MDN1: variants seen among roughly 807,000 people sequenced by gnomAD.
The protein encoded by MDN1 is midasin.
A neutral mutation model predicts 669.2 loss-of-function variants in MDN1; 266 were observed. The observed-to-expected ratio is 0.40, with a 90% CI of 0.36 to 0.44. MDN1 has a LOEUF of 0.44. Among genes scored for constraint, MDN1 ranks in the 20% least tolerant of loss-of-function variants. MDN1 has a pLI of 1.00. For synonymous variants in MDN1, 2,385 were observed against 2,457.1 expected (o/e 0.97, Z 0.87); for missense variants, 5,940 against 6,754.0 (o/e 0.88, Z 4.22).
intron 2 of MDN1, 47 bp from the exon 3 acceptor site, chr6:89,794,848 A>T: frequency 6.6e-7 from 1 of 1,522,818 alleles, no homozygotes; most frequent in Non-Finnish European, 9.1e-7. Context: ...CAATGGTTGG[A>T]CTTAATTTTT....
At chr6:89,742,034 G>A (rs1816322335) in intron 31 of MDN1, among the ~76,000 whole-genome samples, 1 of 152,186 alleles carries the variant, frequency 6.6e-6, no homozygotes, top group Non-Finnish European at 1.5e-5. Context: ...CCAGGAGGCA[G>A]AGGTTGCAGT....
chr6:89,750,206 T>G, intron 24 of MDN1, 148 bp downstream of exon 24: 1 of 789,650 alleles, frequency 1.3e-6, no homozygotes, highest in South Asian at 2.0e-5. Flanking sequence ...GCATCACCCC[T>G]TAACTATCTT....
intron 36 of MDN1, 88 bp from the exon 37 acceptor site, chr6:89,728,043 T>C (rs1161465560): frequency 4.8e-6 from 7 of 1,451,448 alleles, no homozygotes; most frequent in Non-Finnish European, 6.5e-6. Context: ...TGATAAATAC[T>C]TGGGGCTGGC....
At chr6:89,682,131 TATTTACACCACAGTA>T in intron 73 of MDN1, among the ~76,000 whole-genome samples, 1 of 152,166 alleles carries the variant, frequency 6.6e-6, no homozygotes, top group Middle Eastern at 3.4e-3. Context: ...ATAATAGGAG[TATTTACACCACAGTA>T]ATCAGCATCT....
At chr6:89,800,583 C>A (rs1767572937) in intron 2 of MDN1, among the ~76,000 whole-genome samples, 1 of 152,162 alleles carries the variant, frequency 6.6e-6, no homozygotes, top group Admixed American at 6.6e-5. Context: ...TCTCTTCTAA[C>A]TGGCTCTTCC....
chr6:89,759,597 C>T lies in MDN1; in HGVS notation c.2461-637G>A, dbSNP rs529842955. Reference sequence around the variant, plus strand: ...TGACCAACATAGTGAAACCCCATCTCTACTAAAAATACAAAAAATAGCCGG... The same window carrying T: ...TGACCAACATAGTGAAACCCCATCTTTACTAAAAATACAAAAAATAGCCGG... On this transcript the variant is annotated intron_variant, in intron 17 of 101. Transcript: ENST00000369393. Among the ~76,000 whole-genome samples the T allele has an allele frequency of 4.5e-4, 68 of 152,166 alleles. No homozygotes were observed. In the Middle Eastern group the frequency reaches 0.024, roughly 53 times the overall value.
At chr6:89,710,556 C>A in intron 50 of MDN1, 125 bp downstream of exon 50, 1 of 470,554 alleles carries the variant, frequency 2.1e-6, no homozygotes, top group South Asian at 4.9e-5. Context: ...TTTGCTTCTG[C>A]ATATCATGAG....
chr6:89,700,526 A>T, intron 56 of MDN1, 120 bp downstream of exon 56: 1 of 932,986 alleles, frequency 1.1e-6, no homozygotes, highest in Non-Finnish European at 1.6e-6. Flanking sequence ...ATATAAAGGT[A>T]TATAAACTCT....
chr6:89,650,362 C>T (rs145697352), intron 96 of MDN1, among the ~76,000 whole-genome samples, 164 bp from the exon 97 acceptor site: 135 of 152,242 alleles, frequency 8.9e-4, no homozygotes, highest in African/African-American at 3.1e-3. Flanking sequence ...TCTTCTTGAC[C>T]TCTAGCCAGA....
intron 10 of MDN1, 181 bp downstream of exon 10, chr6:89,781,218 G>A (rs1818654589): frequency 4.8e-6 from 3 of 622,122 alleles, no homozygotes; most frequent in Non-Finnish European, 5.6e-6. Context: ...ACACCATGAA[G>A]CAACCTATAA....
intron 8 of MDN1, among the ~76,000 whole-genome samples, chr6:89,786,122 C>T (rs376113577): frequency 1.3e-5 from 2 of 151,892 alleles, no homozygotes; most frequent in African/African-American, 2.4e-5. Flanking sequence ...ATTAGACAGG[C>T]GTGGTGCGTG....
intron 80 of MDN1, among the ~76,000 whole-genome samples, chr6:89,672,906 T>A (rs760150765): frequency 1.3e-5 from 2 of 152,164 alleles, no homozygotes; most frequent in Non-Finnish European, 2.9e-5. Context: ...ACTAAAATAA[T>A]GTAAAAAATA....
Position 89,686,991 on chromosome 6 carries a change from T to TA in MDN1, c.11482_11483insT (p.Lys3828IlefsTer19). 2 of 1,592,220 alleles carry TA rather than the reference T, an allele frequency of 1.3e-6. No individual in the cohort carries two copies. Among genetic ancestry groups the TA allele is most frequent in the East Asian group, 2.3e-5 (1 of 44,026 alleles). On this transcript the variant is annotated frameshift_variant, in exon 69 of 102. Coordinates refer to ENST00000369393, the MANE Select transcript of MDN1 (RefSeq NM_014611.3). LOFTEE classifies it high-confidence loss of function. The stretch of plus-strand genomic sequence containing the variant: ...CTTGGTGGATTTCTCGGTGTGGCGC[T>TA]TCATAGTATTATCCAAACTCATGGA...
At chr6:89,698,554 T>C (rs1161837166) in intron 59 of MDN1, among the ~76,000 whole-genome samples, 2 of 152,222 alleles carry the variant, frequency 1.3e-5, no homozygotes, top group African/African-American at 4.8e-5. Context: ...AGTGGATATT[T>C]CTAATGAATT....
chr6:89,750,303 G>A, intron 24 of MDN1, 51 bp downstream of exon 24: 1 of 1,497,026 alleles, frequency 6.7e-7, no homozygotes, highest in Non-Finnish European at 9.2e-7. Flanking sequence ...TTAAGGAAAT[G>A]TGTGTGAAAG....
Position 89,743,284 on chromosome 6 carries a change from T to TA in MDN1, c.4318-5dup, listed in dbSNP as rs1258859838. The TA allele has an allele frequency of 6.2e-7, 1 of 1,613,614 alleles. No individual in the cohort carries two copies. Among genetic ancestry groups the TA allele is most frequent in the East Asian group, 2.2e-5 (1 of 44,884 alleles). Reference sequence around the variant, plus strand: ...GTCTTGATGTGTCAATTTCTTCCTATAATTTGAAAAAGTGGGGAAAATTAA... The same window carrying TA: ...GTCTTGATGTGTCAATTTCTTCCTATAAATTTGAAAAAGTGGGGAAAATTAA... On this transcript the variant is annotated splice_region_variant and splice_polypyrimidine_tract_variant and intron_variant, in intron 30 of 101. Transcript: ENST00000369393.
chr6:89,748,493 A>T (rs1274693848), intron 26 of MDN1, among the ~76,000 whole-genome samples: 1 of 152,178 alleles, frequency 6.6e-6, no homozygotes, highest in East Asian at 1.9e-4. Context: ...AGATAAATGG[A>T]ATTTTTAAAG....
intron 13 of MDN1, among the ~76,000 whole-genome samples, chr6:89,773,354 A>G (rs553837760): frequency 1.3e-5 from 2 of 152,122 alleles, no homozygotes; most frequent in Non-Finnish European, 2.9e-5. Context: ...AGCCTGGCCA[A>G]TATGGTGAAA....
chr6:89,664,518 C>T lies in MDN1; in HGVS notation c.14205G>A (p.Gly4735=), dbSNP rs1189537108. 1.2e-6 allele frequency: 2 copies of T among 1,613,920 alleles called. No homozygotes were observed. The highest frequency in any genetic ancestry group is 4.5e-5 in the East Asian group (2 of 44,876). The change falls in exon 85 of 102, where the codon GGG becomes GGA. Residue 4735 remains glycine, a synonymous_variant. Transcript: ENST00000369393. ...NAIEMSEDFD[G]KMHDGELEEQ... ...CTTCAAGCTCCCCATCATGCATTTT[C>T]CCATCAAAATCTTCCGACATCTCAA...
Sources: gnomAD v4.1 joint callset for allele counts (sites outside exome capture counted in the v4.1 genomes callset) on GRCh38, gnomAD v4.1.1 for gene constraint, MANE v1.5 for transcripts, NCBI Gene and HGNC (gene_info 2026-07-23, HGNC 2026-07-21) for gene names.